The following NALF1 variants were observed in gnomAD, a reference collection of about 807,000 sequenced individuals.
NALF1 encodes family with sequence similarity 155 member A.
A neutral mutation model predicts 48.4 loss-of-function variants in NALF1; 3 were observed. The ratio of observed to expected loss-of-function variants is 0.06; its 90% CI spans 0.03 to 0.16. NALF1 has a LOEUF of 0.16. Ranked by LOEUF, NALF1 falls within the 10% of genes least tolerant of loss-of-function variation. The pLI is 1.00. For missense variants in NALF1, 526 were observed against 571.5 expected (o/e 0.92, Z 0.81); for synonymous variants, 262 against 245.7 (o/e 1.07, Z -0.62).
rs386380636 is a variant in NALF1, at chr13:107,213,230, C to CAAAAAAAAAA, written c.916-2485_916-2476dup. On this transcript the variant is annotated intron_variant, in intron 1 of 2. Transcript: ENST00000375915. ...TTCCTTTGCAGATTTTTTTTTAACT[C>CAAAAAAAAAA]AAAAAAAAAAAAAAAAAAAAGAAAA... Among the ~76,000 whole-genome samples, 909 of 102,710 alleles carry CAAAAAAAAAA rather than the reference C, an allele frequency of 8.9e-3. 1 individual carries two copies. Among genetic ancestry groups the CAAAAAAAAAA allele is most frequent in the East Asian group, 0.013 (41 of 3,234 alleles). The allele number at this position is 102,710 out of a possible 152,430, so 67.4% of individuals were successfully genotyped here. A position where few individuals can be genotyped will look rare whatever the true frequency, so the allele number is the denominator to read the frequency against.
chr13:107,346,292 T>C (rs936999154), intron 1 of NALF1, among the ~76,000 whole-genome samples: 7 of 152,096 alleles, frequency 4.6e-5, no homozygotes, highest in African/African-American at 1.7e-4. Flanking sequence ...TCCAAAAGAA[T>C]TAAAAACAGG....
intron 1 of NALF1, among the ~76,000 whole-genome samples, chr13:107,540,499 T>C (rs949739184): frequency 2.6e-5 from 4 of 152,134 alleles, no homozygotes; most frequent in Non-Finnish European, 4.4e-5. Flanking sequence ...AAATATTTTA[T>C]ATGTATGTAT....
At chr13:107,845,653 T>A (rs978186) in intron 1 of NALF1, among the ~76,000 whole-genome samples, 1 of 152,188 alleles carries the variant, frequency 6.6e-6, no homozygotes, top group Non-Finnish European at 1.5e-5. Context: ...TTGAGAATAA[T>A]CTCTCAGATC....
intron 1 of NALF1, among the ~76,000 whole-genome samples, chr13:107,320,591 T>C (rs892625129): frequency 1.3e-5 from 2 of 152,110 alleles, no homozygotes; most frequent in African/African-American, 4.8e-5. Flanking sequence ...GAATTATTCC[T>C]ATAATCCCTC....
chr13:107,522,281 T>C (rs1214900486), intron 1 of NALF1, among the ~76,000 whole-genome samples: 2 of 152,110 alleles, frequency 1.3e-5, no homozygotes, highest in Admixed American at 1.3e-4. Context: ...CAAACACAAA[T>C]ACTTATTTTT....
intron 1 of NALF1, among the ~76,000 whole-genome samples, chr13:107,250,655 G>T (rs1179013312): frequency 6.6e-6 from 1 of 152,154 alleles, no homozygotes; most frequent in Admixed American, 6.5e-5. Context: ...GTAGAGCTGA[G>T]TCTTCTCTAA....
chr13:107,317,392 G>C (rs1355583695), intron 1 of NALF1, among the ~76,000 whole-genome samples: 1 of 151,936 alleles, frequency 6.6e-6, no homozygotes, highest in African/African-American at 2.4e-5. Flanking sequence ...CATTGAGAGA[G>C]GTATTGACTT....
intron 1 of NALF1, among the ~76,000 whole-genome samples, chr13:107,528,543 AGCCTCGAGGGGAATT>A (rs1378803574): frequency 2.6e-5 from 4 of 152,144 alleles, no homozygotes; most frequent in Non-Finnish European, 5.9e-5. Context: ...CTCTAAAACA[AGCCTCGAGGGGAATT>A]GCCTAATTTC....
intron 1 of NALF1, among the ~76,000 whole-genome samples, chr13:107,840,830 T>C (rs1880025580): frequency 6.6e-6 from 1 of 152,116 alleles, no homozygotes; most frequent in Non-Finnish European, 1.5e-5. Context: ...GGGTTTTTGT[T>C]CTCGGTATTC....
rs1456010869 is a variant in NALF1 at position 107,376,777 on chromosome 13, G to T, written c.916-166022C>A. Among the ~76,000 whole-genome samples the T allele has an allele frequency of 2.6e-5, 4 of 152,182 alleles. No homozygotes were observed. In the East Asian group the frequency reaches 7.7e-4, roughly 29 times the overall value. On this transcript the variant is annotated intron_variant, in intron 1 of 2. Coordinates refer to ENST00000375915, the MANE Select transcript of NALF1 (RefSeq NM_001080396.3). The stretch of plus-strand genomic sequence containing the variant: ...TAACCCACACATATCCTAGTGAAAA[G>T]AAGGATAAACATTTAGCTACTTTAT...
intron 1 of NALF1, among the ~76,000 whole-genome samples, chr13:107,754,504 G>A (rs771940759): frequency 4.6e-5 from 7 of 151,822 alleles, no homozygotes; most frequent in Non-Finnish European, 8.8e-5. Context: ...GAATGAAAGT[G>A]TTTTTGCTGT....
chr13:107,198,550 G>A (rs529836650), intron 2 of NALF1, among the ~76,000 whole-genome samples: 5 of 152,158 alleles, frequency 3.3e-5, no homozygotes, highest in South Asian at 2.1e-4. Flanking sequence ...TGCAGAATTC[G>A]CCTTCATACA....
chr13:107,405,993 G>A (rs1883891569), intron 1 of NALF1, among the ~76,000 whole-genome samples: 1 of 152,008 alleles, frequency 6.6e-6, no homozygotes, highest in Admixed American at 6.6e-5. Flanking sequence ...TATAGAATGA[G>A]TTAATTCCAA....
intron 1 of NALF1, among the ~76,000 whole-genome samples, chr13:107,756,435 C>CTATATATATATA (rs148971349): frequency 0.027 from 3,800 of 140,866 alleles, 53 homozygotes; most frequent in African/African-American, 0.035. Flanking sequence ...AGTTTAATGG[C>CTATATATATATA]TATATATATA....
chr13:107,430,204 T>C (rs1040888869), intron 1 of NALF1, among the ~76,000 whole-genome samples: 8 of 152,188 alleles, frequency 5.3e-5, no homozygotes, highest in African/African-American at 1.7e-4. Flanking sequence ...TGGAATATAA[T>C]AGTGAAAAAG....
At position 107,866,255 on chromosome 13, in the gene NALF1, C is replaced by T. The variant is rs776138053; in HGVS notation, c.342G>A (p.Ser114=). The change falls in exon 1 of 3, where the codon TCG becomes TCA. Residue 114 remains serine (S), a synonymous_variant. Transcript: ENST00000375915. This position sits in a 1 kb window ranked among gnomAD's most constrained non-coding sequence, Gnocchi z 4.4. ...PALLASMGES[S]PAAQAHRLLS... is the part of the protein sequence containing the mutation. ...GGAGTCTGTGTGCCTGGGCGGCGGGCGAGGACTCCCCCATGCTCGCCAGGA... is the reference window on the plus strand; with the variant it reads ...GGAGTCTGTGTGCCTGGGCGGCGGGTGAGGACTCCCCCATGCTCGCCAGGA... 7 of 1,592,818 alleles carry T rather than the reference C, an allele frequency of 4.4e-6. No individual in the cohort carries two copies. The African/African-American group carries it at 8.0e-5, about 18-fold the overall frequency.
chr13:107,658,817 T>C (rs931642676), intron 1 of NALF1, among the ~76,000 whole-genome samples: 1 of 151,992 alleles, frequency 6.6e-6, no homozygotes, highest in African/African-American at 2.4e-5. Context: ...CAATTCAAGT[T>C]CCTCTGCCTT....
intron 1 of NALF1, among the ~76,000 whole-genome samples, chr13:107,229,798 A>C (rs968627108): frequency 2.4e-4 from 36 of 152,224 alleles, no homozygotes; most frequent in Non-Finnish European, 5.1e-4. Context: ...CCCTGGGCTC[A>C]TGAAAGCTCA....
chr13:107,288,716 A>G (rs1488031925), intron 1 of NALF1, among the ~76,000 whole-genome samples: 1 of 150,946 alleles, frequency 6.6e-6, no homozygotes, highest in East Asian at 2.0e-4. Flanking sequence ...TAGTTTTAGT[A>G]GAGTCGGGGT....
Sources: gnomAD v4.1 joint callset for allele counts (sites outside exome capture counted in the v4.1 genomes callset) on GRCh38, gnomAD v4.1.1 for gene constraint, Gnocchi (gnomAD v3.1) non-coding constraint, MANE v1.5 for transcripts, NCBI Gene and HGNC (gene_info 2026-07-23, HGNC 2026-07-21) for gene names.